The following ZNG1E variants were observed in gnomAD, a reference collection of about 807,000 sequenced individuals.
The protein encoded by ZNG1E is Zn regulated GTPase metalloprotein activator 1E.
the ZNG1E span, among the ~76,000 whole-genome samples, chr9:65,691,413 A>G: frequency 1.3e-5 from 2 of 151,794 alleles, no homozygotes; most frequent in Admixed American, 6.6e-5. Flanking sequence ...CTTTATGGTT[A>G]AGCTTATTGT....
At chr9:65,665,013 C>T in the ZNG1E span, among the ~76,000 whole-genome samples, 12 of 152,242 alleles carry the variant, frequency 7.9e-5, no homozygotes, top group African/African-American at 2.7e-4. Flanking sequence ...GACTTGGGTG[C>T]TGTTAAAGGT....
At chr9:65,684,337 G>T in the ZNG1E span, among the ~76,000 whole-genome samples, 1 of 150,552 alleles carries the variant, frequency 6.6e-6, no homozygotes, top group Non-Finnish European at 1.5e-5. Context: ...AGGAGTTCAA[G>T]ACCAGCCTAG....
the ZNG1E span, among the ~76,000 whole-genome samples, chr9:65,685,202 T>G: frequency 6.6e-6 from 1 of 152,264 alleles, no homozygotes; most frequent in Non-Finnish European, 1.5e-5. Flanking sequence ...GTCATAATCT[T>G]TTTGCTGGTA....
the ZNG1E span, among the ~76,000 whole-genome samples, chr9:65,717,784 C>G: frequency 6.8e-6 from 1 of 147,122 alleles, no homozygotes; most frequent in East Asian, 2.0e-4. Context: ...GTGTCCTGGG[C>G]TTAAGCCATC....
At chr9:65,660,251 T>C in the ZNG1E span, among the ~76,000 whole-genome samples, 1 of 135,202 alleles carries the variant, frequency 7.4e-6, no homozygotes, top group Non-Finnish European at 1.5e-5. Flanking sequence ...CATCTGAACA[T>C]ATGAAAAGGA....
chr9:65,715,025 G>A, the ZNG1E span, among the ~76,000 whole-genome samples: 1 of 149,506 alleles, frequency 6.7e-6, no homozygotes, highest in African/African-American at 2.5e-5. Flanking sequence ...TTTGATCTCA[G>A]ACTGCTGTGC....
the ZNG1E span, among the ~76,000 whole-genome samples, chr9:65,714,614 C>T: frequency 1.3e-5 from 2 of 152,098 alleles, no homozygotes; most frequent in South Asian, 4.1e-4. Flanking sequence ...ACAGGACCTT[C>T]AGCTGCAGGT....
the ZNG1E span, among the ~76,000 whole-genome samples, chr9:65,687,736 G>A: frequency 6.7e-6 from 1 of 148,794 alleles, no homozygotes; most frequent in African/African-American, 2.4e-5. Flanking sequence ...TTATTATTTT[G>A]GGACATCTAG....
At chr9:65,681,419 A>G in the ZNG1E span, among the ~76,000 whole-genome samples, 1 of 152,390 alleles carries the variant, frequency 6.6e-6, no homozygotes, top group South Asian at 2.1e-4. Context: ...AGTGTACTGT[A>G]ATTTAGATAT....
chr9:65,693,736 T>C, the ZNG1E span, among the ~76,000 whole-genome samples: 1 of 151,692 alleles, frequency 6.6e-6, no homozygotes, highest in Non-Finnish European at 1.5e-5. Flanking sequence ...TTTGTATTTT[T>C]AGTAGAGACA....
the ZNG1E span, among the ~76,000 whole-genome samples, chr9:65,662,479 T>C: frequency 9.9e-5 from 15 of 151,984 alleles, no homozygotes; most frequent in Admixed American, 2.6e-4. Context: ...AGTAAGATAT[T>C]AACATTCAGG....
the ZNG1E span, among the ~76,000 whole-genome samples, chr9:65,663,038 A>G: frequency 6.6e-6 from 1 of 152,274 alleles, no homozygotes; most frequent in Non-Finnish European, 1.5e-5. Context: ...CCTCAGAAGT[A>G]CAACGAACAA....
At chr9:65,724,462 G>T in the ZNG1E span, among the ~76,000 whole-genome samples, 1 of 141,998 alleles carries the variant, frequency 7.0e-6, no homozygotes. Context: ...TGGGCAACAT[G>T]GTGAAACCCC....
At chr9:65,672,530 G>A in the ZNG1E span, among the ~76,000 whole-genome samples, 1 of 151,740 alleles carries the variant, frequency 6.6e-6, no homozygotes, top group African/African-American at 2.4e-5. Context: ...TGGATCAGGA[G>A]GTCAGGAGTT....
chr9:65,706,483 C>T, the ZNG1E span: 2 of 78,064 alleles, frequency 2.6e-5, no homozygotes, highest in East Asian at 3.4e-4. Flanking sequence ...TTTTTCTTGG[C>T]GATTTTAATG....
chr9:65,731,136 A>G, the ZNG1E span, among the ~76,000 whole-genome samples: 1 of 152,298 alleles, frequency 6.6e-6, no homozygotes, highest in African/African-American at 2.4e-5. Flanking sequence ...TTTGAGTTTT[A>G]TTCCTGGCTC....
the ZNG1E span, among the ~76,000 whole-genome samples, chr9:65,659,453 C>T: frequency 6.6e-6 from 1 of 150,626 alleles, no homozygotes; most frequent in East Asian, 1.9e-4. Context: ...CGAGATCATG[C>T]CACTGCACTC....
the ZNG1E span, among the ~76,000 whole-genome samples, chr9:65,714,005 G>C: frequency 6.6e-6 from 1 of 150,860 alleles, no homozygotes; most frequent in Non-Finnish European, 1.5e-5. Context: ...ATCAGACGTA[G>C]ATTTGGTCTT....
chr9:65,680,840 G>A, the ZNG1E span, among the ~76,000 whole-genome samples: 1 of 152,018 alleles, frequency 6.6e-6, no homozygotes, highest in East Asian at 1.9e-4. Flanking sequence ...CCAGGCTGGA[G>A]TGCAGTGGCA....
Sources: allele counts gnomAD v4.1 joint callset (sites outside exome capture counted in the v4.1 genomes callset), GRCh38; gene constraint gnomAD v4.1.1; transcripts MANE v1.5; gene names NCBI Gene and HGNC (gene_info 2026-07-23, HGNC 2026-07-21).